Variants in BPHL observed in about 807,000 individuals in gnomAD.
BPHL encodes serine hydrolase BPHL.
Under a neutral mutation model 31.2 loss-of-function variants are expected in BPHL, and 27 were observed. The ratio of observed to expected loss-of-function variants is 0.87; its 90% CI spans 0.64 to 1.19. The LOEUF (loss-of-function observed/expected upper bound fraction) is 1.19. Among genes scored for constraint, BPHL ranks in the 50% most tolerant of loss-of-function variants. The pLI, the probability that BPHL is intolerant of heterozygous loss-of-function variation, is 0.00. For missense variants in BPHL, 356 were observed against 375.7 expected, an observed-to-expected ratio of 0.95 and a Z score of 0.43; for synonymous variants, 150 against 146.8, an observed-to-expected ratio of 1.02 and a Z score of -0.16.
At chr6:3,130,125 T>A (rs1761833367) in intron 4 of BPHL, among the ~76,000 whole-genome samples, 1 of 152,184 alleles carries the variant, frequency 6.6e-6, no homozygotes, top group African/African-American at 2.4e-5. Context: ...TTACAGGCAC[T>A]GGAATAGGGG....
chr6:3,129,658 G>T (rs1761814614), intron 4 of BPHL, among the ~76,000 whole-genome samples: 1 of 152,194 alleles, frequency 6.6e-6, no homozygotes, highest in Non-Finnish European at 1.5e-5. Context: ...TGGGTGACAG[G>T]AGTGAGAGAG....
At chr6:3,119,329 C>A (rs771817434) in intron 1 of BPHL, 2 of 1,552,156 alleles carry the variant, frequency 1.3e-6, no homozygotes, top group Middle Eastern at 1.7e-4. Flanking sequence ...AATCACGGGT[C>A]CCGAGAGCCC....
At chr6:3,135,585 C>G (rs969589900) in intron 4 of BPHL, among the ~76,000 whole-genome samples, 2 of 152,166 alleles carry the variant, frequency 1.3e-5, no homozygotes, top group African/African-American at 4.8e-5. Context: ...TTCAAATAGG[C>G]ATCTCGTTCA....
chr6:3,125,291 C>T (rs568640193), intron 2 of BPHL, among the ~76,000 whole-genome samples: 20 of 152,236 alleles, frequency 1.3e-4, no homozygotes, highest in African/African-American at 4.1e-4. Flanking sequence ...GTGATCTACT[C>T]GCCCCGGCCT....
intron 6 of BPHL, among the ~76,000 whole-genome samples, chr6:3,152,200 C>T (rs1039088410): frequency 6.6e-6 from 1 of 152,230 alleles, no homozygotes; most frequent in African/African-American, 2.4e-5. Flanking sequence ...AGTCCGTTTT[C>T]CAGTCAAACC....
Position 3,140,621 on chromosome 6 carries a change from C to T in BPHL, c.788+112C>T. On this transcript the variant is annotated intron_variant, in intron 6 of 6. Transcript: ENST00000380379. This position sits in a 1 kb window ranked among gnomAD's most constrained non-coding sequence, Gnocchi z 5.2. Reference sequence around the variant, plus strand: ...TTGGAGTTTTAGAGTGCACAGCCCCCCTTTTGCCAATGCCAGTCAGTAGCA... The same window carrying T: ...TTGGAGTTTTAGAGTGCACAGCCCCTCTTTTGCCAATGCCAGTCAGTAGCA... 4 of 1,495,240 alleles carry T rather than the reference C, an allele frequency of 2.7e-6. No individual in the cohort carries two copies. The highest frequency in any genetic ancestry group is 3.6e-6 in the Non-Finnish European group (4 of 1,107,518). The allele number at this position is 1,495,240 out of a possible 1,614,324, so 92.6% of individuals were successfully genotyped here.
Position 3,140,278 on chromosome 6 carries a change from A to G in BPHL, c.665-108A>G. 1 of 1,415,620 alleles carries G rather than the reference A, an allele frequency of 7.1e-7. No homozygotes were observed. Among genetic ancestry groups the G allele is most frequent in the Non-Finnish European group, 9.7e-7 (1 of 1,034,944 alleles). 87.7% of individuals were successfully genotyped at this position (1,415,620 alleles called of 1,614,324 possible). A position where few individuals can be genotyped will look rare whatever the true frequency, so the allele number is the denominator to read the frequency against. On this transcript the variant is annotated intron_variant, in intron 5 of 6. Coordinates refer to ENST00000380379, the MANE Select transcript of BPHL (RefSeq NM_004332.4). This position sits in a 1 kb window ranked among gnomAD's most constrained non-coding sequence, Gnocchi z 5.2. Reference sequence around the variant, plus strand: ...CAAATCCAAAACACAGTTTTTACGGATAGGGAAACTGAGGGCCAAGGAGGG... The same window carrying G: ...CAAATCCAAAACACAGTTTTTACGGGTAGGGAAACTGAGGGCCAAGGAGGG...
upstream of BPHL, chr6:3,118,514 A>G (rs976991360): frequency 1.3e-5 from 5 of 374,446 alleles, no homozygotes; most frequent in African/African-American, 4.2e-5. Context: ...GGGACGGTCT[A>G]CGCGGGTGCC....
At chr6:3,127,894 C>T (rs1179532454) in intron 3 of BPHL, among the ~76,000 whole-genome samples, 1 of 151,664 alleles carries the variant, frequency 6.6e-6, no homozygotes. Context: ...AATCTTGGCT[C>T]ACTGCAACCT....
intron 2 of BPHL, among the ~76,000 whole-genome samples, chr6:3,125,807 A>G (rs1761694538): frequency 6.6e-6 from 1 of 152,238 alleles, no homozygotes. Flanking sequence ...GCCAGGAAAA[A>G]TGATAGGCCT....
intron 2 of BPHL, among the ~76,000 whole-genome samples, chr6:3,126,581 G>C (rs577776763): frequency 6.7e-6 from 1 of 148,694 alleles, no homozygotes; most frequent in Non-Finnish European, 1.5e-5. Context: ...AAGGAAGCGC[G>C]CCTCCTTTTT....
At chr6:3,139,956 C>A in intron 5 of BPHL, 1 of 166,174 alleles carries the variant, frequency 6.0e-6, no homozygotes, top group Non-Finnish European at 1.3e-5. Flanking sequence ...TAATTAATTC[C>A]TTGTGAGGTT....
intron 2 of BPHL, among the ~76,000 whole-genome samples, chr6:3,126,630 C>T (rs1463144843): frequency 1.3e-5 from 2 of 151,474 alleles, no homozygotes; most frequent in Non-Finnish European, 1.5e-5. Context: ...CACTTTGTCA[C>T]CAGGGTAGAG....
chr6:3,148,701 T>G (rs916904727), intron 6 of BPHL, among the ~76,000 whole-genome samples: 1 of 152,248 alleles, frequency 6.6e-6, no homozygotes, highest in Admixed American at 6.5e-5. Flanking sequence ...CTCCACACGC[T>G]GCTTGTGGGC....
At chr6:3,152,442 TAAG>T in intron 6 of BPHL, 43 bp from the exon 7 acceptor site, 3 of 1,542,480 alleles carry the variant, frequency 1.9e-6, no homozygotes, top group Non-Finnish European at 2.7e-6. Flanking sequence ...GGTTTGTTCT[TAAG>T]TGGTGGGCCA....
At chr6:3,122,148 C>T (rs1217171330) in intron 1 of BPHL, among the ~76,000 whole-genome samples, 2 of 151,930 alleles carry the variant, frequency 1.3e-5, no homozygotes, top group South Asian at 2.1e-4. Context: ...GGCGTGGTGG[C>T]GGGTGCCTGT....
chr6:3,127,374 A>G lies in BPHL; in HGVS notation c.344A>G (p.Glu115Gly). Residue 115 changes from glutamate (E) to glycine (G), a missense_variant, in exon 3 of 7, where the codon GAA becomes GGA. Glu to Gly is a moderately conservative substitution (Grantham distance 98). Transcript: ENST00000380379. ...CGCGATTTCCCAGCAGACTTTTTTG[A>G]AAGGGATGCAAAAGATGCTGTTGAT... ...PDRDFPADFF[E>G]RDAKDAVDLM... 1 of 1,607,788 alleles carries G rather than the reference A, an allele frequency of 6.2e-7. No individual in the cohort carries two copies. The highest frequency in any genetic ancestry group is 8.5e-7 in the Non-Finnish European group (1 of 1,176,014).
chr6:3,122,163 C>G (rs564867384), intron 1 of BPHL, among the ~76,000 whole-genome samples: 2 of 152,234 alleles, frequency 1.3e-5, no homozygotes, highest in South Asian at 4.2e-4. Context: ...GCCTGTAGTC[C>G]CAGCTACTTG....
At chr6:3,152,373 T>C in intron 6 of BPHL, 115 bp from the exon 7 acceptor site, 1 of 827,624 alleles carries the variant, frequency 1.2e-6, no homozygotes, top group Non-Finnish European at 1.9e-6. Context: ...ATAGTGGTCA[T>C]GGGGGAAATG....
Sources: allele counts gnomAD v4.1 joint callset (sites outside exome capture counted in the v4.1 genomes callset), GRCh38; gene constraint gnomAD v4.1.1; non-coding constraint Gnocchi (gnomAD v3.1); transcripts MANE v1.5; gene names NCBI Gene and HGNC (gene_info 2026-07-23, HGNC 2026-07-21).